The following TRIM17 variants were observed in gnomAD, a reference collection of about 807,000 sequenced individuals.
TRIM17 encodes tripartite motif containing 17, also known as E3 ubiquitin-protein ligase TRIM17.
Under a neutral mutation model 35.8 loss-of-function variants are expected in TRIM17, and 27 were observed. The ratio of observed to expected loss-of-function variants is 0.75; its 90% CI spans 0.56 to 1.04. TRIM17 has a LOEUF of 1.04. TRIM17 is among the 50% of genes least tolerant of loss of function. The pLI is 0.00. For synonymous variants in TRIM17, 246 were observed against 252.6 expected (o/e 0.97, Z 0.25); for missense variants, 582 against 612.8 (o/e 0.95, Z 0.53).
Position 228,408,686 on chromosome 1 carries a change from GCCTCT to G in TRIM17, c.944_948del (p.Gln315ProfsTer214). 1 of 1,609,436 alleles carries G rather than the reference GCCTCT, an allele frequency of 6.2e-7. No homozygotes were observed. The highest frequency in any genetic ancestry group is 1.1e-5 in the South Asian group (1 of 91,090). On this transcript the variant is annotated frameshift_variant, in exon 7 of 7. Coordinates refer to ENST00000366698, the MANE Select transcript of TRIM17 (RefSeq NM_016102.4). LOFTEE classifies it low-confidence loss of function (END_TRUNC). This position sits in a 1 kb window ranked among gnomAD's most constrained non-coding sequence, Gnocchi z 6.3. ...CCCTCCGGCGAAGAGCCGAGGTAGC[GCCTCT>G]GGCGGCTCTCATACAGGAGGAGGTA... is the stretch of plus-strand genomic sequence containing the variant.
intron 3 of TRIM17, 68 bp downstream of exon 3, chr1:228,413,729 C>T: frequency 1.5e-6 from 2 of 1,352,198 alleles, no homozygotes; most frequent in Non-Finnish European, 2.1e-6. Context: ...CACGGGCAGA[C>T]ACAGACGTGG....
At position 228,408,052 on chromosome 1, in the gene TRIM17, A is replaced by C; in HGVS notation, c.*149T>G. On this transcript the variant is annotated 3_prime_UTR_variant, in exon 7 of 7. Coordinates refer to ENST00000366698, the MANE Select transcript of TRIM17 (RefSeq NM_016102.4). This position sits in a 1 kb window ranked among gnomAD's most constrained non-coding sequence, Gnocchi z 6.3. ...CTCTTAATGTTTGACAGTTCTAATC[A>C]CAATTATATTTAGAATTTGAGAAAC... The C allele has an allele frequency of 1.4e-6, 1 of 704,608 alleles. No homozygotes were observed. The highest frequency in any genetic ancestry group is 2.2e-6 in the Non-Finnish European group (1 of 448,106). 43.6% of individuals were successfully genotyped at this position (704,608 alleles called of 1,614,324 possible).
Position 228,408,197 on chromosome 1 carries a change from G to A in TRIM17, c.*4C>T, listed in dbSNP as rs761220371. 2.6e-6 allele frequency: 4 copies of A among 1,522,038 alleles called. No individual in the cohort carries two copies. The highest frequency in any genetic ancestry group is 3.5e-6 in the Non-Finnish European group (4 of 1,136,100). 94.3% of individuals were successfully genotyped at this position (1,522,038 alleles called of 1,614,324 possible). ...GAGCAGTGCCCGAGTCCCCCGGTCT[G>A]TGTCTATCCTTTCACCCACATGGTC... is the stretch of plus-strand genomic sequence containing the variant. On this transcript the variant is annotated 3_prime_UTR_variant, in exon 7 of 7. Coordinates refer to ENST00000366698, the MANE Select transcript of TRIM17 (RefSeq NM_016102.4). This position sits in a 1 kb window ranked among gnomAD's most constrained non-coding sequence, Gnocchi z 6.3.
Position 228,416,831 on chromosome 1 carries a change from G to A in TRIM17, c.-334C>T, listed in dbSNP as rs1229424603. 8.1e-6 allele frequency: 8 copies of A among 984,792 alleles called. No individual in the cohort carries two copies. The highest frequency in any genetic ancestry group is 8.4e-6 in the Non-Finnish European group (7 of 829,900). 61.0% of individuals were successfully genotyped at this position (984,792 alleles called of 1,614,324 possible). A position where few individuals can be genotyped will look rare whatever the true frequency, so the allele number is the denominator to read the frequency against. On this transcript the variant is annotated 5_prime_UTR_variant, in exon 1 of 7. Coordinates refer to ENST00000366698, the MANE Select transcript of TRIM17 (RefSeq NM_016102.4). ...CGGCAGGGGGTGGAAGGCTCTGGAC[G>A]AGCCGGGGACAGGCGCAGCGGGTGC... is the stretch of plus-strand genomic sequence containing the variant.
chr1:228,413,907 A>G lies in TRIM17; in HGVS notation c.430-15T>C. The G allele has an allele frequency of 1.2e-6, 2 of 1,611,150 alleles. No individual in the cohort carries two copies. Among genetic ancestry groups the G allele is most frequent in the Non-Finnish European group, 8.5e-7 (1 of 1,177,288 alleles). ...TCCAGCTTCAACTGTGGGACACACA[A>G]ACCGCAGGATTTGGGATCAGCGATC... is the stretch of plus-strand genomic sequence containing the variant. On this transcript the variant is annotated splice_polypyrimidine_tract_variant and intron_variant, in intron 2 of 6. Transcript: ENST00000366698.
rs1044175436 is a variant in TRIM17 at position 228,416,403 on chromosome 1, A to G, written c.-42+136T>C. ...TAGAGTTACCTTGTTGAAGCGCGCTAGCCCCTCCAGGGACGCGGCGGCCGG... is the reference window on the plus strand; with the variant it reads ...TAGAGTTACCTTGTTGAAGCGCGCTGGCCCCTCCAGGGACGCGGCGGCCGG... On this transcript the variant is annotated intron_variant, in intron 1 of 6. Coordinates refer to ENST00000366698, the MANE Select transcript of TRIM17 (RefSeq NM_016102.4). The G allele has an allele frequency of 6.6e-5, 65 of 986,394 alleles. No individual in the cohort carries two copies. In the African/African-American group the frequency reaches 1.1e-3, roughly 16 times the overall value. The allele number at this position is 986,394 out of a possible 1,614,324, so 61.1% of individuals were successfully genotyped here. A position where few individuals can be genotyped will look rare whatever the true frequency, so the allele number is the denominator to read the frequency against.
intron 2 of TRIM17, 56 bp downstream of exon 2, chr1:228,414,588 T>C: frequency 6.7e-7 from 1 of 1,487,420 alleles, no homozygotes. Flanking sequence ...TGGGTCACCT[T>C]GTCCCCCTGG....
Position 228,414,670 on chromosome 1 carries a change from C to T in TRIM17, c.403G>A (p.Ala135Thr), listed in dbSNP as rs1349697784. 45 of 1,611,494 alleles carry T rather than the reference C, an allele frequency of 2.8e-5. No individual in the cohort carries two copies. The highest frequency in any genetic ancestry group is 3.7e-5 in the Non-Finnish European group (44 of 1,180,004). The stretch of plus-strand genomic sequence containing the variant: ...TTGTACCCCTGCACTGCCTCCTCGG[C>T]GGGCAGCACCCTGTGCAGCCGGTGC... ...REHRLHRVLPAEEAVQGYKLK... is the reference protein window; with the variant it reads ...REHRLHRVLPTEEAVQGYKLK... Residue 135 changes from alanine to threonine, a missense_variant, in exon 2 of 7, where the codon GCC (alanine) becomes ACC (threonine). Transcript: ENST00000366698.
In TRIM17 at chr1:228,410,982, C is replaced by A. The variant is rs1656748206; in HGVS notation, c.720G>T (p.Glu240Asp). 1.2e-6 allele frequency: 2 copies of A among 1,603,230 alleles called. No individual in the cohort carries two copies. Among genetic ancestry groups the A allele is most frequent in the Non-Finnish European group, 8.5e-7 (1 of 1,175,116 alleles). The change falls in exon 4 of 7, where the codon GAG (glutamate) becomes GAT (aspartate). Residue 240 changes from glutamate to aspartate, a missense_variant. Physicochemically the swap from Glu to Asp is conservative, Grantham distance 45. Transcript: ENST00000366698. The surrounding 1 kb of genome is among the most constrained non-coding windows in gnomAD (Gnocchi z 4.6). ...HSLELLLLQL[E>D]ERSTQGPLQM... ...GGAGGGGCCCCTGTGTGCTCCGCTC[C>A]TCCAGCTGCAGCAGCAGCAGCTCCA...
chr1:228,416,744 CG>C lies in TRIM17; in HGVS notation c.-248del. 5 of 973,080 alleles carry C rather than the reference CG, an allele frequency of 5.1e-6. No homozygotes were observed. In the South Asian group the frequency reaches 2.4e-4, roughly 47 times the overall value. The allele number at this position is 973,080 out of a possible 1,614,324, so 60.3% of individuals were successfully genotyped here. On this transcript the variant is annotated 5_prime_UTR_variant, in exon 1 of 7. Transcript: ENST00000366698. The stretch of plus-strand genomic sequence containing the variant: ...GGGGAATGCTGGGCGAGGGAGTGTT[CG>C]GCGGCCGGGACTGGGGCGGCGCCTC...
At position 228,407,944 on chromosome 1, in the gene TRIM17, T is replaced by G; in HGVS notation, c.*257A>C. 3.2e-6 allele frequency: 1 copy of G among 308,912 alleles called. No individual in the cohort carries two copies. Among genetic ancestry groups the G allele is most frequent in the Non-Finnish European group, 5.9e-6 (1 of 169,582 alleles). The allele number at this position is 308,912 out of a possible 1,614,324, so 19.1% of individuals were successfully genotyped here. ...AAACGTGACCACGCTGTTCCTGGTG[T>G]GTAGGTATGGATTTAGAAATCGGTC... On this transcript the variant is annotated 3_prime_UTR_variant, in exon 7 of 7. Transcript: ENST00000366698.
At position 228,408,419 on chromosome 1, in the gene TRIM17, G is replaced by A. The variant is rs1173414557; in HGVS notation, c.1216C>T (p.Leu406=). 6.2e-7 allele frequency: 1 copy of A among 1,614,194 alleles called. No homozygotes were observed. Among genetic ancestry groups the A allele is most frequent in the Admixed American group, 1.7e-5 (1 of 60,030 alleles). ...GGCTCCATCAGCATGACCGGGGTTA[G>A]GGCAGAGAAGGTGGATAAGTACTTG... The part of the protein sequence containing the change: ...GTKYLSTFSA[L]TPVMLMEPPS... Residue 406 remains leucine, a synonymous_variant, in exon 7 of 7, where the codon CTA becomes TTA. Transcript: ENST00000366698. This position sits in a 1 kb window ranked among gnomAD's most constrained non-coding sequence, Gnocchi z 6.3.
Position 228,411,257 on chromosome 1 carries a change from G to T in TRIM17, c.526-81C>A. On this transcript the variant is annotated intron_variant, in intron 3 of 6. Coordinates refer to ENST00000366698, the MANE Select transcript of TRIM17 (RefSeq NM_016102.4). This position sits in a 1 kb window ranked among gnomAD's most constrained non-coding sequence, Gnocchi z 4.2. ...GCTGGCACCTCTCCCCAGGGCCCTG[G>T]TGACCCACAAGATCACCAGCAACTG... The T allele has an allele frequency of 1.7e-6, 2 of 1,207,280 alleles. No individual in the cohort carries two copies. Among genetic ancestry groups the T allele is most frequent in the South Asian group, 3.0e-5 (2 of 66,404 alleles). 74.8% of individuals were successfully genotyped at this position (1,207,280 alleles called of 1,614,324 possible).
rs1309026468 is a variant in TRIM17 at position 228,408,681 on chromosome 1, G to C, written c.954C>G (p.Tyr318Ter). The change falls in exon 7 of 7, where the codon TAC (tyrosine) becomes TAG (stop). Residue 318 changes from tyrosine (Y) to a stop codon, truncating the protein, a stop_gained. Transcript: ENST00000366698. LOFTEE classifies it low-confidence loss of function (END_TRUNC). This position sits in a 1 kb window ranked among gnomAD's most constrained non-coding sequence, Gnocchi z 6.3. Reference sequence around the variant, plus strand: ...CACTGCCCTCCGGCGAAGAGCCGAGGTAGCGCCTCTGGCGGCTCTCATACA... The same window carrying C: ...CACTGCCCTCCGGCGAAGAGCCGAGCTAGCGCCTCTGGCGGCTCTCATACA... Reference protein sequence around the residue: ...LLLYESRQRRYLGSSPEGSGF... With the variant: ...LLLYESRQRR 1 of 1,610,640 alleles carries C rather than the reference G, an allele frequency of 6.2e-7. No homozygotes were observed. The highest frequency in any genetic ancestry group is 1.7e-5 in the Admixed American group (1 of 60,030).
intron 3 of TRIM17, among the ~76,000 whole-genome samples, chr1:228,412,845 G>A: frequency 6.6e-6 from 1 of 152,092 alleles, no homozygotes; most frequent in Non-Finnish European, 1.5e-5. Flanking sequence ...TAGGATTAAG[G>A]TTAACTAAAG....
In TRIM17 at chr1:228,410,883, C is replaced by T. The variant is rs537989159; in HGVS notation, c.756+63G>A. On this transcript the variant is annotated intron_variant, in intron 4 of 6. Transcript: ENST00000366698. The surrounding 1 kb of genome is among the most constrained non-coding windows in gnomAD (Gnocchi z 4.6). ...TTGGCTGCCTCTTCCCCAAGCCCAG[C>T]GCCCCCTGCCCATGCCTGTCAGAGC... is the stretch of plus-strand genomic sequence containing the variant. The T allele has an allele frequency of 1.2e-4, 150 of 1,215,590 alleles. No homozygotes were observed. Among genetic ancestry groups the T allele is most frequent in the Non-Finnish European group, 1.5e-4 (133 of 899,392 alleles). 75.3% of individuals were successfully genotyped at this position (1,215,590 alleles called of 1,614,324 possible).
chr1:228,416,103 T>C (rs577441613), intron 1 of TRIM17: 29 of 155,406 alleles, frequency 1.9e-4, no homozygotes, highest in Non-Finnish European at 3.8e-4. Context: ...GCGTCTACAC[T>C]GCAAGCACGA....
intron 3 of TRIM17, among the ~76,000 whole-genome samples, chr1:228,412,623 A>T (rs111561181): frequency 5.6e-5 from 7 of 125,484 alleles, no homozygotes; most frequent in East Asian, 2.5e-4. Flanking sequence ...AAAAAAAAAA[A>T]GCTGGTCTTG....
chr1:228,414,906 C>A lies in TRIM17; in HGVS notation c.167G>T (p.Arg56Leu). 6.2e-7 allele frequency: 1 copy of A among 1,613,576 alleles called. No individual in the cohort carries two copies. The highest frequency in any genetic ancestry group is 1.3e-5 in the African/African-American group (1 of 75,062). Residue 56 changes from arginine to leucine, a missense_variant, in exon 2 of 7, where the codon CGG (arginine) becomes CTG (leucine). By Grantham distance (102) the Arg-to-Leu change is moderately radical (BLOSUM62 -2). Coordinates refer to ENST00000366698, the MANE Select transcript of TRIM17 (RefSeq NM_016102.4). ...KARGKKGRRKRKGSFPCPECR... is the reference protein window; with the variant it reads ...KARGKKGRRKLKGSFPCPECR... ...CTCGGGGCAGGGGAAGGAGCCCTTC[C>A]GCTTCCGCCTCCCCTTCTTGCCCCT...
Sources: gnomAD v4.1 joint callset for allele counts (sites outside exome capture counted in the v4.1 genomes callset) on GRCh38, gnomAD v4.1.1 for gene constraint, Gnocchi (gnomAD v3.1) non-coding constraint, MANE v1.5 for transcripts, NCBI Gene and HGNC (gene_info 2026-07-23, HGNC 2026-07-21) for gene names.